DOK6: variants seen among roughly 807,000 people sequenced by gnomAD.
DOK6 encodes the protein docking protein 6.
In DOK6, 22 loss-of-function variants were observed where a neutral mutation model predicts 44.0. That is an observed-to-expected ratio of 0.50 (90% CI 0.36 to 0.71). The LOEUF is 0.71. Ranked by LOEUF, DOK6 falls within the 30% of genes least tolerant of loss-of-function variation. The pLI is 0.00. For missense variants in DOK6, 340 were observed against 416.4 expected (o/e 0.82, Z 1.60); for synonymous variants, 166 against 145.5 (o/e 1.14, Z -1.01).
intron 6 of DOK6, among the ~76,000 whole-genome samples, chr18:69,750,443 G>A (rs1315784652): frequency 6.6e-6 from 1 of 152,068 alleles, no homozygotes; most frequent in African/African-American, 2.4e-5. Context: ...TTTTTCAAAA[G>A]ACATAAAAAT....
At chr18:69,566,869 G>A (rs1235616613) in intron 2 of DOK6, among the ~76,000 whole-genome samples, 1 of 152,070 alleles carries the variant, frequency 6.6e-6, no homozygotes, top group Non-Finnish European at 1.5e-5. Context: ...GAAGAGAAAG[G>A]GTCATCTCTA....
chr18:69,640,426 C>A (rs1245656205), intron 3 of DOK6, among the ~76,000 whole-genome samples: 1 of 152,202 alleles, frequency 6.6e-6, no homozygotes, highest in Non-Finnish European at 1.5e-5. Flanking sequence ...TTGCCACATT[C>A]AGTTCTATGC....
chr18:69,477,587 A>C (rs1316834365), intron 1 of DOK6, among the ~76,000 whole-genome samples: 1 of 152,152 alleles, frequency 6.6e-6, no homozygotes, highest in Non-Finnish European at 1.5e-5. Flanking sequence ...CCATTTCTTT[A>C]TATTTGAATA....
At chr18:69,606,131 G>T (rs935454971) in intron 3 of DOK6, among the ~76,000 whole-genome samples, 1 of 151,984 alleles carries the variant, frequency 6.6e-6, no homozygotes, top group South Asian at 2.1e-4. Context: ...AATTAGCCGG[G>T]CGTGGTGGTG....
intron 7 of DOK6, among the ~76,000 whole-genome samples, chr18:69,828,133 CT>C (rs1256257945): frequency 2.6e-5 from 4 of 151,764 alleles, no homozygotes; most frequent in African/African-American, 9.7e-5. Context: ...AACAAAGATA[CT>C]TTAATATAAT....
At chr18:69,801,890 T>C (rs902662433) in intron 7 of DOK6, among the ~76,000 whole-genome samples, 4 of 152,162 alleles carry the variant, frequency 2.6e-5, no homozygotes, top group African/African-American at 9.7e-5. Context: ...AGGGCTTATA[T>C]AGGAAACAAT....
intron 3 of DOK6, among the ~76,000 whole-genome samples, chr18:69,655,614 G>A (rs1250662933): frequency 6.6e-6 from 1 of 151,804 alleles, no homozygotes; most frequent in Non-Finnish European, 1.5e-5. Context: ...TTAGCCAGGT[G>A]TGGAGGCAGG....
chr18:69,654,011 C>T (rs914342078), intron 3 of DOK6, among the ~76,000 whole-genome samples: 1 of 152,022 alleles, frequency 6.6e-6, no homozygotes, highest in African/African-American at 2.4e-5. Context: ...TGGAAAACTT[C>T]AGAGAATTGA....
At chr18:69,785,045 G>C (rs1980389211) in intron 7 of DOK6, among the ~76,000 whole-genome samples, 1 of 152,074 alleles carries the variant, frequency 6.6e-6, no homozygotes, top group East Asian at 1.9e-4. Context: ...CCTTTTGATG[G>C]GATGGCAAAT....
chr18:69,649,525 G>A (rs1985168287), intron 3 of DOK6, among the ~76,000 whole-genome samples: 1 of 152,112 alleles, frequency 6.6e-6, no homozygotes, highest in South Asian at 2.1e-4. Flanking sequence ...AGCCTCAATA[G>A]ATGTTCCTAG....
intron 7 of DOK6, among the ~76,000 whole-genome samples, chr18:69,811,766 G>C (rs188417050): frequency 3.0e-4 from 46 of 151,978 alleles, no homozygotes; most frequent in African/African-American, 9.4e-4. Context: ...AGGCAACACT[G>C]TTCACTTCTT....
intron 1 of DOK6, among the ~76,000 whole-genome samples, chr18:69,445,889 C>G (rs1979272841): frequency 6.6e-6 from 1 of 152,036 alleles, no homozygotes; most frequent in Non-Finnish European, 1.5e-5. Flanking sequence ...ATGTCTTTTA[C>G]AAAATGTTTT....
At chr18:69,800,275 C>T (rs1175497886) in intron 7 of DOK6, among the ~76,000 whole-genome samples, 1 of 152,046 alleles carries the variant, frequency 6.6e-6, no homozygotes, top group Non-Finnish European at 1.5e-5. Flanking sequence ...TTAAAATTTT[C>T]CTGTCTTACA....
chr18:69,422,661 T>C (rs1264697322), intron 1 of DOK6, among the ~76,000 whole-genome samples: 7 of 148,160 alleles, frequency 4.7e-5, no homozygotes, highest in East Asian at 2.2e-4. Context: ...CCAGTTGATA[T>C]ACTCTGTTTG....
At chr18:69,468,696 T>C (rs1033884339) in intron 1 of DOK6, among the ~76,000 whole-genome samples, 2 of 152,190 alleles carry the variant, frequency 1.3e-5, no homozygotes, top group African/African-American at 4.8e-5. Context: ...TCATATGATA[T>C]ACAATCTCAT....
chr18:69,416,508 T>G (rs920925440), intron 1 of DOK6, among the ~76,000 whole-genome samples: 5 of 152,262 alleles, frequency 3.3e-5, no homozygotes, highest in African/African-American at 9.6e-5. Context: ...AAGTGAGGAC[T>G]TTACATCCTC....
intron 1 of DOK6, among the ~76,000 whole-genome samples, chr18:69,457,230 A>G (rs1310661440): frequency 6.6e-6 from 1 of 152,214 alleles, no homozygotes; most frequent in Non-Finnish European, 1.5e-5. Context: ...GCCAAGACCA[A>G]CATTAAGAAG....
rs184557345 is a variant in DOK6 at position 69,400,978 on chromosome 18, G to T, written c.-267G>T. On this transcript the variant is annotated 5_prime_UTR_variant, in exon 1 of 8. Transcript: ENST00000382713. ...CGCAGCTGGCGGAGGCGCGGGCCGCGGCGCTGGGCTCGCGGCGGGGAGCGA... is the reference window on the plus strand; with the variant it reads ...CGCAGCTGGCGGAGGCGCGGGCCGCTGCGCTGGGCTCGCGGCGGGGAGCGA... The T allele has an allele frequency of 0.065, 9,710 of 148,620 alleles. 365 individuals are homozygous for T. Among genetic ancestry groups the T allele is most frequent in the East Asian group, 0.14 (710 of 5,016 alleles). 9.2% of individuals were successfully genotyped at this position (148,620 alleles called of 1,614,324 possible). A position where few individuals can be genotyped will look rare whatever the true frequency, so the allele number is the denominator to read the frequency against.
intron 7 of DOK6, among the ~76,000 whole-genome samples, chr18:69,808,677 T>C (rs1241798516): frequency 2.0e-5 from 3 of 151,722 alleles, no homozygotes; most frequent in African/African-American, 7.3e-5. Flanking sequence ...ACCAACAAAT[T>C]GGATAACCTA....
Sources: allele counts gnomAD v4.1 joint callset (sites outside exome capture counted in the v4.1 genomes callset), GRCh38; gene constraint gnomAD v4.1.1; transcripts MANE v1.5; gene names NCBI Gene and HGNC (gene_info 2026-07-23, HGNC 2026-07-21).